The following ABCB4 variants were observed in gnomAD, a reference collection of about 807,000 sequenced individuals.
ABCB4 encodes phosphatidylcholine translocator ABCB4.
Under a neutral mutation model 145.7 loss-of-function variants are expected in ABCB4, and 76 were observed. The observed-to-expected ratio is 0.52, with a 90% CI of 0.43 to 0.63. The LOEUF is 0.63. Ranked by LOEUF, ABCB4 falls within the 30% of genes least tolerant of loss-of-function variation. The pLI is 0.00. For synonymous variants in ABCB4, 517 were observed against 566.8 expected (o/e 0.91, Z 1.25); for missense variants, 1,234 against 1,553.1 (o/e 0.79, Z 3.45).
chr7:87,369,559 G>T, the ABCB4 span: 1 of 825,728 alleles, frequency 1.2e-6, no homozygotes, highest in Non-Finnish European at 1.8e-6. Flanking sequence ...GTTTAGAATT[G>T]CCTTTCAAGG....
chr7:87,458,902 T>G (rs1486921999), intron 4 of ABCB4, among the ~76,000 whole-genome samples: 2 of 151,430 alleles, frequency 1.3e-5, no homozygotes. Context: ...GACTTGCTTG[T>G]GCCATTCCCC....
chr7:87,384,440 G>A, the ABCB4 span, among the ~76,000 whole-genome samples: 4 of 152,206 alleles, frequency 2.6e-5, no homozygotes, highest in Admixed American at 6.5e-5. Context: ...GCTGAGGCAC[G>A]AGAATCCCTT....
At chr7:87,406,605 C>T in intron 25 of ABCB4, 111 bp from the exon 26 acceptor site, 1 of 1,149,314 alleles carries the variant, frequency 8.7e-7, no homozygotes, top group Non-Finnish European at 1.3e-6. Flanking sequence ...TCAGCAGCTT[C>T]AAAACAACAA....
chr7:87,472,664 CTTT>C lies in ABCB4; in HGVS notation c.89_91del (p.Lys30del), dbSNP rs1430830807. The C allele has an allele frequency of 6.2e-7, 1 of 1,606,182 alleles. No individual in the cohort carries two copies. Among genetic ancestry groups the C allele is most frequent in the Non-Finnish European group, 8.5e-7 (1 of 1,173,540 alleles). On this transcript the variant is annotated inframe_deletion, in exon 3 of 28. Transcript: ENST00000649586. ...CATTTTCACTGTCTTCGTTTTTTTC[CTTT>C]TTTGTTTGCTGTAAAAAATAGAATT...
At chr7:87,431,779 A>G (rs1249491620) in intron 14 of ABCB4, among the ~76,000 whole-genome samples, 1 of 152,230 alleles carries the variant, frequency 6.6e-6, no homozygotes, top group Non-Finnish European at 1.5e-5. Context: ...CCCCTTCAGT[A>G]GGAGGATGGG....
At chr7:87,397,231 G>T (rs1807559206), downstream of ABCB4, among the ~76,000 whole-genome samples, 2 of 151,898 alleles carry the variant, frequency 1.3e-5, no homozygotes, top group African/African-American at 4.8e-5. Context: ...CACACCTGTA[G>T]TCTGAGTTAC....
At chr7:87,473,456 G>A (rs45605336) in intron 2 of ABCB4, among the ~76,000 whole-genome samples, 3,153 of 152,044 alleles carry the variant, frequency 0.021, 47 homozygotes, top group Non-Finnish European at 0.031. Context: ...TACCTTTTCC[G>A]GGAATGCTCT....
At chr7:87,471,860 A>G (rs1211187437) in intron 3 of ABCB4, among the ~76,000 whole-genome samples, 1 of 152,210 alleles carries the variant, frequency 6.6e-6, no homozygotes, top group Non-Finnish European at 1.5e-5. Context: ...GTTACCCCCT[A>G]TTTAGCCAAT....
intron 16 of ABCB4, among the ~76,000 whole-genome samples, chr7:87,425,615 T>C (rs1195323774): frequency 6.6e-6 from 1 of 152,186 alleles, no homozygotes; most frequent in Non-Finnish European, 1.5e-5. Flanking sequence ...CAAAACTATA[T>C]CTTGAAATAA....
the ABCB4 span, among the ~76,000 whole-genome samples, chr7:87,392,121 C>A: frequency 6.6e-6 from 1 of 152,072 alleles, no homozygotes; most frequent in African/African-American, 2.4e-5. Flanking sequence ...TTGTTTCATA[C>A]TCTTTTTTTT....
At chr7:87,451,852 G>A (rs893617036) in intron 6 of ABCB4, 58 bp from the exon 7 acceptor site, 73 of 1,537,546 alleles carry the variant, frequency 4.7e-5, no homozygotes, top group Admixed American at 1.7e-5. Context: ...GAAAGATGAA[G>A]TAGACATCCA....
At chr7:87,432,281 C>T (rs1289421084) in intron 14 of ABCB4, among the ~76,000 whole-genome samples, 6 of 152,180 alleles carry the variant, frequency 3.9e-5, no homozygotes, top group Admixed American at 6.5e-5. Flanking sequence ...GATATTATGT[C>T]ATTAATAATG....
At chr7:87,432,587 T>C (rs1371672718) in intron 14 of ABCB4, among the ~76,000 whole-genome samples, 2 of 152,230 alleles carry the variant, frequency 1.3e-5, no homozygotes, top group African/African-American at 4.8e-5. Flanking sequence ...AGATGAACTT[T>C]GAAAACATTG....
the ABCB4 span, among the ~76,000 whole-genome samples, chr7:87,395,919 ACAT>A: frequency 6.6e-6 from 1 of 152,192 alleles, no homozygotes; most frequent in Non-Finnish European, 1.5e-5. Flanking sequence ...ATGGAAGAGA[ACAT>A]CATGAAAGTC....
the ABCB4 span, among the ~76,000 whole-genome samples, chr7:87,376,939 T>C: frequency 6.6e-6 from 1 of 152,142 alleles, no homozygotes; most frequent in Non-Finnish European, 1.5e-5. Context: ...GGCCAAAGTA[T>C]ACAGTTTGAA....
chr7:87,467,743 A>G (rs1466568095), intron 3 of ABCB4, among the ~76,000 whole-genome samples: 2 of 152,152 alleles, frequency 1.3e-5, no homozygotes, highest in African/African-American at 2.4e-5. Context: ...TAAGAAACTC[A>G]CTCAAAACCG....
chr7:87,449,472 G>C (rs576900555), intron 8 of ABCB4, among the ~76,000 whole-genome samples: 5 of 149,516 alleles, frequency 3.3e-5, no homozygotes, highest in Non-Finnish European at 7.4e-5. Flanking sequence ...TTTTGTGATA[G>C]AGGCTCACTC....
chr7:87,440,380 A>T lies in ABCB4; in HGVS notation c.1379T>A (p.Ile460Asn), dbSNP rs2116690846. 1 of 1,614,100 alleles carries T rather than the reference A, an allele frequency of 6.2e-7. No individual in the cohort carries two copies. The highest frequency in any genetic ancestry group is 2.2e-5 in the East Asian group (1 of 44,854). ...CAGATAGTTTACATTAAAGTTCCTA[A>T]TATCCTGCCCATCAATGTTAATCTG... ...EGTINIDGQD[I>N]RNFNVNYLRE... The change falls in exon 13 of 28, where the codon ATT becomes AAT. Residue 460 changes from isoleucine to asparagine, a missense_variant. This residue lies in a region of ABCB4 where 467 missense variants were observed against 632.8 expected (regional missense o/e 0.74). Coordinates refer to ENST00000649586, the MANE Select transcript of ABCB4 (RefSeq NM_000443.4).
At chr7:87,373,342 T>C in the ABCB4 span, among the ~76,000 whole-genome samples, 1 of 152,142 alleles carries the variant, frequency 6.6e-6, no homozygotes, top group Non-Finnish European at 1.5e-5. Flanking sequence ...TTTACAGATA[T>C]ATAATTTGCA....
Sources: allele counts gnomAD v4.1 joint callset (sites outside exome capture counted in the v4.1 genomes callset), GRCh38; gene constraint gnomAD v4.1.1; regional missense constraint gnomAD v4.1.1; transcripts MANE v1.5; gene names NCBI Gene and HGNC (gene_info 2026-07-23, HGNC 2026-07-21).